The following JMJD7 variants were observed in gnomAD, a reference collection of about 807,000 sequenced individuals.
JMJD7 encodes the protein bifunctional peptidase and (3S)-lysyl hydroxylase JMJD7.
Under a neutral mutation model 41.1 loss-of-function variants are expected in JMJD7, and 41 were observed. The ratio of observed to expected loss-of-function variants is 1.00; its 90% CI spans 0.78 to 1.30. The LOEUF is 1.30. Ranked by LOEUF, JMJD7 falls within the 50% of genes most tolerant of loss-of-function variation. The pLI is 0.00. For synonymous variants in JMJD7, 202 were observed against 177.2 expected (o/e 1.14, Z -1.11); for missense variants, 480 against 420.7 (o/e 1.14, Z -1.23).
chr15:41,833,619 C>A (rs899719275), intron 1 of JMJD7, among the ~76,000 whole-genome samples: 1 of 151,194 alleles, frequency 6.6e-6, no homozygotes, highest in South Asian at 2.1e-4. Flanking sequence ...TGGGGTCTCC[C>A]TACGTTGCCA....
chr15:41,833,032 C>T (rs1035718342), intron 1 of JMJD7, among the ~76,000 whole-genome samples: 5 of 152,160 alleles, frequency 3.3e-5, no homozygotes, highest in Admixed American at 1.3e-4. Context: ...CCTGGTCATG[C>T]GTGCCAAGGC....
rs1447833164 is a variant in JMJD7, at chr15:41,837,222, C to G, written c.*66C>G. The G allele has an allele frequency of 5.1e-6, 6 of 1,165,574 alleles. No homozygotes were observed. The highest frequency in any genetic ancestry group is 3.0e-5 in the African/African-American group (2 of 65,590). 72.2% of individuals were successfully genotyped at this position (1,165,574 alleles called of 1,614,324 possible). On this transcript the variant is annotated 3_prime_UTR_variant, in exon 8 of 8. Transcript: ENST00000397299. ...GGAGCCAGCCCCTCCCTGGCCAGGT[C>G]AATTCTCGAGAGAGCCTGGAGTGTG...
At position 41,837,052 on chromosome 15, in the gene JMJD7, C is replaced by G. The variant is rs781574537; in HGVS notation, c.863-16C>G. On this transcript the variant is annotated splice_polypyrimidine_tract_variant and intron_variant, in intron 7 of 7. Transcript: ENST00000397299. ...GAAGAGGGATCTTCATGCTCAGATC[C>G]CCGTTCTTCCCACAGTGAATTTCTG... 2 of 1,611,162 alleles carry G rather than the reference C, an allele frequency of 1.2e-6. No homozygotes were observed. Among genetic ancestry groups the G allele is most frequent in the South Asian group, 1.1e-5 (1 of 90,996 alleles).
chr15:41,835,580 C>T lies in JMJD7; in HGVS notation c.473-8C>T, dbSNP rs2065299624. ...TTCCTAACTTGCTCTCTGCCTTCTG[C>T]CCTGCAGGAAAGATGCCCGATGCTG... On this transcript the variant is annotated splice_polypyrimidine_tract_variant and splice_region_variant and intron_variant, in intron 3 of 7. Transcript: ENST00000397299. 1 of 1,612,902 alleles carries T rather than the reference C, an allele frequency of 6.2e-7. No homozygotes were observed. The highest frequency in any genetic ancestry group is 1.1e-5 in the South Asian group (1 of 90,878).
Position 41,836,856 on chromosome 15 carries a change from C to T in JMJD7, c.778C>T (p.Arg260Cys), listed in dbSNP as rs201190653. 247 of 1,613,276 alleles carry T rather than the reference C, an allele frequency of 1.5e-4. 1 individual carries two copies. In the African/African-American group the frequency reaches 1.6e-3, roughly 11 times the overall value. ...YPSYSQAQAL[R>C]CTVRAGEMLY... ...TAGTTACAGTCAGGCCCAGGCCCTT[C>T]GCTGCACGGTGCGGGCCGGTGAGAT... The change falls in exon 7 of 8, where the codon CGC (arginine) becomes TGC (cysteine). Residue 260 changes from arginine (R) to cysteine (C), a missense_variant. Coordinates refer to ENST00000397299, the MANE Select transcript of JMJD7 (RefSeq NM_001114632.2).
intron 3 of JMJD7, 78 bp downstream of exon 3, chr15:41,835,301 G>C: frequency 6.6e-7 from 1 of 1,519,272 alleles, no homozygotes; most frequent in Non-Finnish European, 8.8e-7. Flanking sequence ...TTGCCCTTAG[G>C]TGATGACCTG....
chr15:41,832,204 C>T (rs1361178093), intron 1 of JMJD7, among the ~76,000 whole-genome samples: 1 of 152,228 alleles, frequency 6.6e-6, no homozygotes, highest in Non-Finnish European at 1.5e-5. Context: ...CTCATTCGCT[C>T]ACACACCCCT....
chr15:41,834,908 G>C lies in JMJD7; in HGVS notation c.218+15G>C, dbSNP rs1015736503. 12 of 1,613,688 alleles carry C rather than the reference G, an allele frequency of 7.4e-6. No individual in the cohort carries two copies. In the Middle Eastern group the frequency reaches 5.0e-4, roughly 67 times the overall value. ...CCCTATTTCAGGTGGGAGCTGCCCT[G>C]GGGTCAGGTGTGAGCAGTGATTACT... On this transcript the variant is annotated intron_variant, in intron 2 of 7. Coordinates refer to ENST00000397299, the MANE Select transcript of JMJD7 (RefSeq NM_001114632.2).
chr15:41,829,544 A>G (rs1229388769), intron 1 of JMJD7, among the ~76,000 whole-genome samples: 1 of 152,210 alleles, frequency 6.6e-6, no homozygotes, highest in African/African-American at 2.4e-5. Context: ...CCACCTCAGC[A>G]TTCCAAAGTT....
At chr15:41,836,397 G>A (rs760297414) in intron 5 of JMJD7, 78 bp from the exon 6 acceptor site, 1 of 1,553,422 alleles carries the variant, frequency 6.4e-7, no homozygotes, top group Non-Finnish European at 8.7e-7. Flanking sequence ...CCTGCCCAGG[G>A]CTGGCTGGGG....
At position 41,828,154 on chromosome 15, in the gene JMJD7, G is replaced by A. The variant is rs745508622; in HGVS notation, c.30G>A (p.Arg10=). 2 of 1,489,290 alleles carry A rather than the reference G, an allele frequency of 1.3e-6. No individual in the cohort carries two copies. The highest frequency in any genetic ancestry group is 1.4e-5 in the South Asian group (1 of 73,016). 92.3% of individuals were successfully genotyped at this position (1,489,290 alleles called of 1,614,324 possible). A position where few individuals can be genotyped will look rare whatever the true frequency, so the allele number is the denominator to read the frequency against. MAEAALEAV[R]SELREFPAAA... is the part of the protein sequence containing the mutation. ...CGGAGGCGGCTTTGGAAGCCGTGCG[G>A]AGCGAGTTACGAGAATTCCCGGCCG... Residue 10 remains arginine (R), a synonymous_variant, in exon 1 of 8, where the codon CGG becomes CGA. Transcript: ENST00000397299.
chr15:41,835,358 C>A, intron 3 of JMJD7, 135 bp downstream of exon 3: 1 of 1,372,114 alleles, frequency 7.3e-7, no homozygotes, highest in Non-Finnish European at 9.7e-7. Context: ...TCACTAAATA[C>A]ATTCCCAGGC....
intron 1 of JMJD7, among the ~76,000 whole-genome samples, chr15:41,830,126 C>T (rs1187574546): frequency 1.3e-5 from 2 of 152,178 alleles, no homozygotes; most frequent in African/African-American, 4.8e-5. Flanking sequence ...CACCCCCACC[C>T]TCACATGGCT....
At chr15:41,833,414 A>ATATATATTTTTTTTTTTT (rs1239528383) in intron 1 of JMJD7, among the ~76,000 whole-genome samples, 1 of 32,012 alleles carries the variant, frequency 3.1e-5, no homozygotes, top group Non-Finnish European at 6.1e-5. Flanking sequence ...ATATATATAT[A>ATATATATTTTTTTTTTTT]TTTTTTTTTT....
intron 1 of JMJD7, among the ~76,000 whole-genome samples, chr15:41,833,122 CAGA>C (rs998209852): frequency 3.3e-5 from 5 of 152,122 alleles, no homozygotes; most frequent in African/African-American, 1.2e-4. Context: ...ATTGTATTTT[CAGA>C]AGATGACTGG....
intron 1 of JMJD7, among the ~76,000 whole-genome samples, chr15:41,833,621 A>G (rs995416617): frequency 1.3e-5 from 2 of 151,294 alleles, no homozygotes; most frequent in Admixed American, 1.3e-4. Context: ...GGGTCTCCCT[A>G]CGTTGCCAAG....
Position 41,835,009 on chromosome 15 carries a change from C to T in JMJD7, c.258C>T (p.Thr86=), listed in dbSNP as rs199904907. 6 of 1,614,058 alleles carry T rather than the reference C, an allele frequency of 3.7e-6. No homozygotes were observed. The East Asian group carries it at 1.3e-4, about 36-fold the overall frequency. Residue 86 remains threonine, a synonymous_variant, in exon 3 of 8, where the codon ACC becomes ACT. Transcript: ENST00000397299. ...VGSTEVSVAV[T]PDGYADAVRG... is the part of the protein sequence containing the mutation. ...CCACAGAGGTGAGTGTGGCCGTGACCCCAGATGGTTACGCGGATGCCGTGA... is the reference window on the plus strand; with the variant it reads ...CCACAGAGGTGAGTGTGGCCGTGACTCCAGATGGTTACGCGGATGCCGTGA...
Position 41,836,221 on chromosome 15 carries a change from C to T in JMJD7, c.603C>T (p.Ser201=), listed in dbSNP as rs373661420. The T allele has an allele frequency of 2.1e-5, 34 of 1,612,856 alleles. No individual in the cohort carries two copies. The highest frequency in any genetic ancestry group is 1.9e-4 in the African/African-American group (14 of 74,880). ...AGCATTTCCTGTTCCATCCGCCCAG[C>T]GACCGGCCCTTCATCCCCTATGGTA... The part of the protein sequence containing the change: ...GEKHFLFHPP[S]DRPFIPYELY... Residue 201 remains serine (S), a synonymous_variant, in exon 5 of 8, where the codon AGC becomes AGT. Coordinates refer to ENST00000397299, the MANE Select transcript of JMJD7 (RefSeq NM_001114632.2).
At chr15:41,833,339 G>A (rs933567937) in intron 1 of JMJD7, among the ~76,000 whole-genome samples, 1 of 145,106 alleles carries the variant, frequency 6.9e-6, no homozygotes, top group Non-Finnish European at 1.5e-5. Flanking sequence ...CCCTTGTGGA[G>A]TTCACATTCT....
Sources: allele counts gnomAD v4.1 joint callset (sites outside exome capture counted in the v4.1 genomes callset), GRCh38; gene constraint gnomAD v4.1.1; transcripts MANE v1.5; gene names NCBI Gene and HGNC (gene_info 2026-07-23, HGNC 2026-07-21).